The following PABPC4L variants were observed in gnomAD, a reference collection of about 807,000 sequenced individuals.
PABPC4L encodes poly(A) binding protein cytoplasmic 4 like, also known as polyadenylate-binding protein 4-like.
For missense variants in PABPC4L, 452 were observed against 451.4 expected, an observed-to-expected ratio of 1.00 and a Z score of -0.01; for synonymous variants, 169 against 164.1, an observed-to-expected ratio of 1.03 and a Z score of -0.23.
the PABPC4L span, among the ~76,000 whole-genome samples, chr4:133,958,607 C>T: frequency 1.3e-5 from 2 of 152,122 alleles, no homozygotes; most frequent in South Asian, 4.1e-4. Flanking sequence ...AGAAAAAAGG[C>T]TTAATTGATT....
the PABPC4L span, among the ~76,000 whole-genome samples, chr4:134,144,549 G>C: frequency 6.8e-6 from 1 of 147,046 alleles, no homozygotes; most frequent in Non-Finnish European, 1.5e-5. Context: ...ACAGCTTAAT[G>C]AGCTTTCTCT....
chr4:134,013,531 C>T, the PABPC4L span, among the ~76,000 whole-genome samples: 2 of 152,074 alleles, frequency 1.3e-5, no homozygotes, highest in Non-Finnish European at 2.9e-5. Flanking sequence ...TTCTGCGATG[C>T]CACTTGACCC....
rs1729752250 is a variant in PABPC4L, at chr4:134,198,909, C to G, written c.*998G>C. On this transcript the variant is annotated 3_prime_UTR_variant, in exon 2 of 2. Coordinates refer to ENST00000421491, the MANE Select transcript of PABPC4L (RefSeq NM_001114734.2). Reference sequence around the variant, plus strand: ...GAACCTTAATGGGTTCCATAGCTGCCACATTCTAATAAAAGGAGATGTGAG... The same window carrying G: ...GAACCTTAATGGGTTCCATAGCTGCGACATTCTAATAAAAGGAGATGTGAG... The G allele has an allele frequency of 6.6e-6, 1 of 151,900 alleles. No individual in the cohort carries two copies. 9.4% of individuals were successfully genotyped at this position (151,900 alleles called of 1,614,324 possible). A position where few individuals can be genotyped will look rare whatever the true frequency, so the allele number is the denominator to read the frequency against.
the PABPC4L span, among the ~76,000 whole-genome samples, chr4:133,952,838 G>A: frequency 2.0e-5 from 3 of 152,012 alleles, no homozygotes; most frequent in Admixed American, 1.3e-4. Flanking sequence ...GGGACATATA[G>A]GAGTGACCAC....
the PABPC4L span, among the ~76,000 whole-genome samples, chr4:134,010,345 T>A: frequency 2.0e-5 from 3 of 152,128 alleles, no homozygotes; most frequent in South Asian, 6.2e-4. Flanking sequence ...CTATCAGTGA[T>A]CAATCAGAAT....
At chr4:133,969,989 G>T in the PABPC4L span, among the ~76,000 whole-genome samples, 2 of 150,248 alleles carry the variant, frequency 1.3e-5, no homozygotes, top group Non-Finnish European at 3.0e-5. Context: ...AACAGTGCTT[G>T]CTAAGGTTAC....
At chr4:134,187,009 G>T in the PABPC4L span, among the ~76,000 whole-genome samples, 1 of 152,170 alleles carries the variant, frequency 6.6e-6, no homozygotes, top group African/African-American at 2.4e-5. Flanking sequence ...TCTCACACCA[G>T]TTAGAATGGC....
chr4:134,105,117 A>G, the PABPC4L span, among the ~76,000 whole-genome samples: 15 of 151,858 alleles, frequency 9.9e-5, no homozygotes, highest in Admixed American at 9.9e-4. Context: ...TCACAGTGAC[A>G]GGAGTATTCC....
the PABPC4L span, among the ~76,000 whole-genome samples, chr4:134,051,076 C>A: frequency 6.6e-6 from 1 of 151,884 alleles, no homozygotes; most frequent in African/African-American, 2.4e-5. Context: ...GGTTATCAAC[C>A]AGATGTCATA....
At chr4:133,961,497 A>C in the PABPC4L span, among the ~76,000 whole-genome samples, 1 of 152,068 alleles carries the variant, frequency 6.6e-6, no homozygotes, top group South Asian at 2.1e-4. Context: ...ATTAGACAAA[A>C]ACAGGAGGTA....
At chr4:134,188,313 C>T in the PABPC4L span, among the ~76,000 whole-genome samples, 1 of 152,152 alleles carries the variant, frequency 6.6e-6, no homozygotes, top group East Asian at 1.9e-4. Flanking sequence ...TTTATAATTA[C>T]TTTGGATGAA....
chr4:134,200,768 CAT>C lies in PABPC4L; in HGVS notation c.250_251del (p.Met84ValfsTer27), dbSNP rs1729838958. The C allele has an allele frequency of 3.2e-6, 5 of 1,551,770 alleles. No individual in the cohort carries two copies. Among genetic ancestry groups the C allele is most frequent in the Non-Finnish European group, 4.4e-6 (5 of 1,147,024 alleles). ...TCAAGTAGGCATCGCGCTGAGACCA[CAT>C]GAGACGGATGGATTTGCCTTTTATG... ...DIIKGKSIRLMWSQRDAYLRR... is the reference protein window; with the variant it reads ...DIIKGKSIRLXWSQRDAYLRR... On this transcript the variant is annotated frameshift_variant, in exon 2 of 2. Transcript: ENST00000421491. LOFTEE classifies it low-confidence loss of function (END_TRUNC).
the PABPC4L span, among the ~76,000 whole-genome samples, chr4:133,987,893 G>C: frequency 2.0e-5 from 3 of 152,306 alleles, no homozygotes; most frequent in Middle Eastern, 0.01. Flanking sequence ...TTGACTCACA[G>C]CACTGCAGGG....
At chr4:133,985,020 C>A in the PABPC4L span, among the ~76,000 whole-genome samples, 2 of 151,924 alleles carry the variant, frequency 1.3e-5, no homozygotes, top group Non-Finnish European at 2.9e-5. Context: ...AATAAAGTAT[C>A]TACCACTACT....
the PABPC4L span, among the ~76,000 whole-genome samples, chr4:134,141,982 A>G: frequency 4.1e-3 from 620 of 151,880 alleles, 6 homozygotes; most frequent in South Asian, 0.01. Flanking sequence ...CACACTGACG[A>G]CTGCCTTCGT....
chr4:134,029,367 G>A, the PABPC4L span, among the ~76,000 whole-genome samples: 1 of 151,984 alleles, frequency 6.6e-6, no homozygotes. Context: ...GGCATTATCT[G>A]TTCACACCAA....
chr4:134,136,231 A>G, the PABPC4L span, among the ~76,000 whole-genome samples: 1 of 152,104 alleles, frequency 6.6e-6, no homozygotes, highest in Non-Finnish European at 1.5e-5. Context: ...CCAGAAGAGC[A>G]CAGAGGTGCT....
the PABPC4L span, among the ~76,000 whole-genome samples, chr4:134,100,193 A>G: frequency 6.6e-6 from 1 of 151,718 alleles, no homozygotes; most frequent in African/African-American, 2.4e-5. Flanking sequence ...AAGCATCAGC[A>G]CATGAATTGA....
At chr4:134,150,144 G>A in the PABPC4L span, among the ~76,000 whole-genome samples, 3 of 149,960 alleles carry the variant, frequency 2.0e-5, no homozygotes, top group African/African-American at 4.9e-5. Flanking sequence ...GTGCAATGGC[G>A]CGATCTCGGC....
Sources: allele counts gnomAD v4.1 joint callset (sites outside exome capture counted in the v4.1 genomes callset), GRCh38; gene constraint gnomAD v4.1.1; transcripts MANE v1.5; gene names NCBI Gene and HGNC (gene_info 2026-07-23, HGNC 2026-07-21).